SGK3: variants seen among roughly 807,000 people sequenced by gnomAD.
SGK3 encodes serine/threonine-protein kinase Sgk3.
Under a neutral mutation model 68.5 loss-of-function variants are expected in SGK3, and 47 were observed. The ratio of observed to expected loss-of-function variants is 0.69; its 90% CI spans 0.54 to 0.87. SGK3 has a LOEUF of 0.87. Among genes scored for constraint, SGK3 ranks in the 40% least tolerant of loss-of-function variants. The probability of loss-of-function intolerance (pLI) is 0.00; values close to 1 mark genes in which losing one functional copy is unlikely to be tolerated. For missense variants in SGK3, 479 were observed against 575.5 expected (o/e 0.83, Z 1.72); for synonymous variants, 181 against 189.1 (o/e 0.96, Z 0.35).
At chr8:66,800,890 T>TA (rs1807916507) in intron 3 of SGK3, among the ~76,000 whole-genome samples, 1 of 152,118 alleles carries the variant, frequency 6.6e-6, no homozygotes, top group Admixed American at 6.6e-5. Context: ...GAGGCTGTGG[T>TA]AGGAGGATCA....
At chr8:66,774,995 T>A (rs903876451) in intron 1 of SGK3, among the ~76,000 whole-genome samples, 1 of 152,244 alleles carries the variant, frequency 6.6e-6, no homozygotes, top group African/African-American at 2.4e-5. Flanking sequence ...TCTCGTTTTC[T>A]GTCTCCCAAA....
chr8:66,788,085 T>C (rs56036237), intron 1 of SGK3, among the ~76,000 whole-genome samples: 4,483 of 152,262 alleles, frequency 0.029, 212 homozygotes, highest in African/African-American at 0.1. Flanking sequence ...CTTTTTCCTG[T>C]CCTGCTAACT....
intron 1 of SGK3, among the ~76,000 whole-genome samples, chr8:66,747,454 A>G (rs1001380880): frequency 2.0e-5 from 3 of 152,234 alleles, no homozygotes; most frequent in African/African-American, 4.8e-5. Context: ...TAGAAAGTCC[A>G]GGGCTAGACT....
intron 1 of SGK3, among the ~76,000 whole-genome samples, chr8:66,728,942 G>T (rs1170225016): frequency 2.0e-5 from 3 of 151,968 alleles, no homozygotes; most frequent in Non-Finnish European, 2.9e-5. Flanking sequence ...ATCTGGACTG[G>T]GCACGGGTGG....
chr8:66,715,268 T>C (rs1272128577), intron 1 of SGK3, among the ~76,000 whole-genome samples: 1 of 152,146 alleles, frequency 6.6e-6, no homozygotes, highest in Non-Finnish European at 1.5e-5. Flanking sequence ...TTTCTTTGTT[T>C]TTTTTTTGAG....
At chr8:66,816,866 T>C (rs1316717507) in intron 5 of SGK3, among the ~76,000 whole-genome samples, 2 of 152,144 alleles carry the variant, frequency 1.3e-5, no homozygotes, top group African/African-American at 4.8e-5. Context: ...ACTCTCGCTC[T>C]ATCGCCTAGG....
At chr8:66,759,552 C>G (rs1339803890) in intron 1 of SGK3, among the ~76,000 whole-genome samples, 1 of 152,144 alleles carries the variant, frequency 6.6e-6, no homozygotes, top group East Asian at 1.9e-4. Flanking sequence ...CTGCCTCAGC[C>G]TCCCAAGTAG....
chr8:66,852,866 T>C (rs1810350945), intron 16 of SGK3, among the ~76,000 whole-genome samples: 1 of 152,236 alleles, frequency 6.6e-6, no homozygotes, highest in African/African-American at 2.4e-5. Flanking sequence ...TTAGACTAAG[T>C]ATCTTAGCAG....
At chr8:66,765,629 A>G (rs1806292321) in intron 1 of SGK3, among the ~76,000 whole-genome samples, 1 of 152,002 alleles carries the variant, frequency 6.6e-6, no homozygotes. Flanking sequence ...AACGTTCGAT[A>G]TGTTATTTTC....
At chr8:66,729,978 G>T (rs1805100142) in intron 1 of SGK3, among the ~76,000 whole-genome samples, 1 of 152,000 alleles carries the variant, frequency 6.6e-6, no homozygotes, top group Non-Finnish European at 1.5e-5. Context: ...TCGACCTCAG[G>T]TGATCCACCT....
Position 66,804,421 on chromosome 8 carries a change from G to A in SGK3, c.227G>A (p.Arg76Lys), listed in dbSNP as rs1278157968. 6.2e-7 allele frequency: 1 copy of A among 1,612,556 alleles called. No individual in the cohort carries two copies. Among genetic ancestry groups the A allele is most frequent in the Non-Finnish European group, 8.5e-7 (1 of 1,179,486 alleles). Residue 76 changes from arginine to lysine, a missense_variant, in exon 4 of 17, where the codon AGA becomes AAA. Around this residue, in one of 3 missense-constraint regions of SGK3, gnomAD observed 298 missense variants for 329.4 expected, o/e 0.90. Coordinates refer to ENST00000521198, the MANE Select transcript of SGK3 (RefSeq NM_001033578.3). Reference protein sequence around the residue: ...PAMALKIPAKRIFGDNFDPDF... With the variant: ...PAMALKIPAKKIFGDNFDPDF... Reference sequence around the variant, plus strand: ...ATGGCCCTGAAGATTCCTGCCAAGAGAATATTTGGTGATAATTTTGATCCA... The same window carrying A: ...ATGGCCCTGAAGATTCCTGCCAAGAAAATATTTGGTGATAATTTTGATCCA...
chr8:66,816,870 G>A (rs1273800301), intron 5 of SGK3, among the ~76,000 whole-genome samples: 1 of 151,942 alleles, frequency 6.6e-6, no homozygotes, highest in Non-Finnish European at 1.5e-5. Flanking sequence ...TCGCTCTATC[G>A]CCTAGGCTGG....
At chr8:66,732,708 G>A (rs1482199292) in intron 1 of SGK3, among the ~76,000 whole-genome samples, 1 of 152,056 alleles carries the variant, frequency 6.6e-6, no homozygotes, top group African/African-American at 2.4e-5. Context: ...AGCTGGGCAT[G>A]GTGGTACACA....
intron 1 of SGK3, among the ~76,000 whole-genome samples, chr8:66,764,928 G>A (rs1400091706): frequency 6.6e-6 from 1 of 152,150 alleles, no homozygotes; most frequent in Admixed American, 6.6e-5. Flanking sequence ...TCCATTGAAT[G>A]TATATACCAC....
intron 7 of SGK3, among the ~76,000 whole-genome samples, chr8:66,829,926 C>G (rs1809237340): frequency 6.7e-6 from 1 of 149,706 alleles, no homozygotes; most frequent in Non-Finnish European, 1.5e-5. Flanking sequence ...AGGCGGGAGT[C>G]CAGTGGTGCA....
intron 14 of SGK3, among the ~76,000 whole-genome samples, chr8:66,844,205 A>G (rs1028592667): frequency 5.9e-5 from 9 of 152,106 alleles, no homozygotes; most frequent in African/African-American, 2.2e-4. Flanking sequence ...ATGGACAAAA[A>G]ATGATTTTGC....
chr8:66,736,679 G>A (rs191558945), intron 1 of SGK3, among the ~76,000 whole-genome samples: 1 of 151,596 alleles, frequency 6.6e-6, no homozygotes, highest in Non-Finnish European at 1.5e-5. Flanking sequence ...GAGTGCAATG[G>A]CGCAATCTCA....
At chr8:66,763,546 C>T (rs1030501749) in intron 1 of SGK3, among the ~76,000 whole-genome samples, 2 of 152,052 alleles carry the variant, frequency 1.3e-5, no homozygotes, top group South Asian at 2.1e-4. Flanking sequence ...AATCTTGGTA[C>T]TAGGGGTGTT....
intron 13 of SGK3, among the ~76,000 whole-genome samples, chr8:66,841,449 T>C (rs971166797): frequency 3.9e-5 from 6 of 152,340 alleles, no homozygotes; most frequent in Middle Eastern, 6.8e-3. Context: ...AAAATTATAT[T>C]TCTAATCCTT....
Sources: allele counts gnomAD v4.1 joint callset (sites outside exome capture counted in the v4.1 genomes callset), GRCh38; gene constraint gnomAD v4.1.1; regional missense constraint gnomAD v4.1.1; transcripts MANE v1.5; gene names NCBI Gene and HGNC (gene_info 2026-07-23, HGNC 2026-07-21).